MACROD2: variants seen among roughly 807,000 people sequenced by gnomAD.
MACROD2 encodes the protein ADP-ribose glycohydrolase MACROD2.
A neutral mutation model predicts 70.4 loss-of-function variants in MACROD2; 36 were observed. The observed-to-expected ratio is 0.51, with a 90% CI of 0.39 to 0.68. The LOEUF is 0.68. Ranked by LOEUF, MACROD2 falls within the 30% of genes least tolerant of loss-of-function variation. The pLI, the probability that MACROD2 is intolerant of heterozygous loss-of-function variation, is 0.00. For missense variants in MACROD2, 496 were observed against 538.4 expected (o/e 0.92, Z 0.78); for synonymous variants, 172 against 178.8 (o/e 0.96, Z 0.30).
Position 15,984,422 on chromosome 20 carries a change from A to G in MACROD2, c.986-2305A>G, listed in dbSNP as rs1228912656. ...ACCTTGCACATAAACTGTTTCTTTAATGGTACTCAGGAGGCCTTATTACTT... is the reference window on the plus strand; with the variant it reads ...ACCTTGCACATAAACTGTTTCTTTAGTGGTACTCAGGAGGCCTTATTACTT... On this transcript the variant is annotated intron_variant, in intron 13 of 17. Coordinates refer to ENST00000684519, the MANE Select transcript of MACROD2 (RefSeq NM_001351661.2). 2.0e-5 allele frequency among the ~76,000 whole-genome samples: 3 copies of G among 152,236 alleles called. No homozygotes were observed. The East Asian group carries it at 5.8e-4, about 29-fold the overall frequency.
At chr20:14,808,760 GA>G (rs533747492) in intron 5 of MACROD2, among the ~76,000 whole-genome samples, 5,082 of 127,720 alleles carry the variant, frequency 0.04, 266 homozygotes, top group African/African-American at 0.13. Context: ...AAAATGGAAA[GA>G]AAAAAAAAAA....
intron 3 of MACROD2, among the ~76,000 whole-genome samples, chr20:14,270,458 G>A (rs1482509604): frequency 6.6e-6 from 1 of 151,948 alleles, no homozygotes; most frequent in Non-Finnish European, 1.5e-5. Flanking sequence ...TTGTGGTGGT[G>A]CATGCCTGTA....
At chr20:15,163,903 C>A (rs1211754981) in intron 5 of MACROD2, among the ~76,000 whole-genome samples, 3 of 151,944 alleles carry the variant, frequency 2.0e-5, no homozygotes, top group Non-Finnish European at 2.9e-5. Context: ...ATATGCTGGG[C>A]AATTCTTTAG....
intron 8 of MACROD2, among the ~76,000 whole-genome samples, chr20:15,548,379 G>T (rs1233753233): frequency 6.6e-6 from 1 of 151,948 alleles, no homozygotes; most frequent in African/African-American, 2.4e-5. Flanking sequence ...GCCAAACTTA[G>T]AGATGTGCTT....
At chr20:15,227,876 A>G (rs1197924666) in intron 5 of MACROD2, among the ~76,000 whole-genome samples, 1 of 117,854 alleles carries the variant, frequency 8.5e-6, no homozygotes, top group Non-Finnish European at 1.7e-5. Flanking sequence ...TTAAACCCAT[A>G]TCATACCGAA....
intron 10 of MACROD2, among the ~76,000 whole-genome samples, chr20:15,887,366 A>G (rs1210451352): frequency 6.6e-6 from 1 of 152,188 alleles, no homozygotes; most frequent in Non-Finnish European, 1.5e-5. Flanking sequence ...TTCAGAGGGC[A>G]TGAGAAGCAG....
At chr20:14,895,544 G>A (rs2073817841) in intron 5 of MACROD2, 1 of 152,046 alleles carries the variant, frequency 6.6e-6, no homozygotes. Context: ...CAGGAACAAA[G>A]GGTATCATAA....
At chr20:14,454,974 G>C (rs1056485444) in intron 3 of MACROD2, among the ~76,000 whole-genome samples, 2 of 151,810 alleles carry the variant, frequency 1.3e-5, no homozygotes, top group Admixed American at 6.6e-5. Flanking sequence ...GGATGGTCTC[G>C]ATCTCCTGAC....
chr20:15,322,142 T>A (rs1373484541), intron 6 of MACROD2, among the ~76,000 whole-genome samples: 1 of 143,938 alleles, frequency 6.9e-6, no homozygotes, highest in African/African-American at 2.5e-5. Context: ...TAATTGTTAG[T>A]GTCTCAGCTT....
intron 6 of MACROD2, among the ~76,000 whole-genome samples, chr20:15,426,133 C>T (rs2046293682): frequency 1.3e-5 from 2 of 151,496 alleles, no homozygotes; most frequent in Admixed American, 1.3e-4. Context: ...ATCTGCTGAC[C>T]TTCCCTCCAC....
At chr20:15,195,712 G>A (rs1298635793) in intron 5 of MACROD2, among the ~76,000 whole-genome samples, 1 of 152,098 alleles carries the variant, frequency 6.6e-6, no homozygotes, top group Non-Finnish European at 1.5e-5. Context: ...CCATTTGGCC[G>A]AGCAAACCCA....
At chr20:14,897,124 G>A (rs115998628) in intron 5 of MACROD2, among the ~76,000 whole-genome samples, 1 of 152,214 alleles carries the variant, frequency 6.6e-6, no homozygotes, top group African/African-American at 2.4e-5. Context: ...GAATTGGAAG[G>A]CCTGGGGTAC....
intron 5 of MACROD2, among the ~76,000 whole-genome samples, chr20:15,088,731 CTAACT>C (rs1337519473): frequency 6.6e-6 from 1 of 151,466 alleles, no homozygotes; most frequent in East Asian, 1.9e-4. Context: ...TATAATAACT[CTAACT>C]TAAAAATATA....
chr20:15,972,697 C>G (rs1378324088), intron 13 of MACROD2, among the ~76,000 whole-genome samples: 1 of 152,038 alleles, frequency 6.6e-6, no homozygotes, highest in African/African-American at 2.4e-5. Context: ...GTAATCCCAG[C>G]TACTTGGGAG....
At chr20:14,177,267 A>T (rs1296280474) in intron 3 of MACROD2, among the ~76,000 whole-genome samples, 2 of 152,040 alleles carry the variant, frequency 1.3e-5, no homozygotes, top group African/African-American at 4.8e-5. Flanking sequence ...TAGCCCTATC[A>T]GACATTAAAA....
intron 3 of MACROD2, among the ~76,000 whole-genome samples, chr20:14,235,534 G>A (rs1183990069): frequency 2.6e-5 from 4 of 151,922 alleles, no homozygotes; most frequent in Non-Finnish European, 5.9e-5. Flanking sequence ...CTCATTTTTT[G>A]CCCTTAAAAT....
intron 1 of MACROD2, among the ~76,000 whole-genome samples, chr20:13,999,100 T>C (rs1189793489): frequency 2.0e-5 from 3 of 152,194 alleles, no homozygotes; most frequent in African/African-American, 7.2e-5. Context: ...TTTTCTTCCT[T>C]GTGTGTAAGA....
At chr20:15,562,838 T>C (rs2048262625) in intron 8 of MACROD2, among the ~76,000 whole-genome samples, 1 of 152,064 alleles carries the variant, frequency 6.6e-6, no homozygotes, top group Non-Finnish European at 1.5e-5. Flanking sequence ...GTCAGATGGA[T>C]TTGGGCAATT....
chr20:14,458,672 G>A (rs529698009), intron 3 of MACROD2, among the ~76,000 whole-genome samples: 1 of 152,102 alleles, frequency 6.6e-6, no homozygotes, highest in East Asian at 1.9e-4. Flanking sequence ...CCATCCATTT[G>A]GCTGTTCCTG....
Sources: gnomAD v4.1 joint callset for allele counts (sites outside exome capture counted in the v4.1 genomes callset) on GRCh38, gnomAD v4.1.1 for gene constraint, MANE v1.5 for transcripts, NCBI Gene and HGNC (gene_info 2026-07-23, HGNC 2026-07-21) for gene names.